PHKB: variants seen among roughly 807,000 people sequenced by gnomAD.
PHKB encodes the protein phosphorylase kinase regulatory subunit beta, also known as phosphorylase b kinase regulatory subunit beta.
A neutral mutation model predicts 152.1 loss-of-function variants in PHKB; 122 were observed. The ratio of observed to expected loss-of-function variants is 0.80; its 90% CI spans 0.69 to 0.93. The LOEUF is 0.93. Ranked by LOEUF, PHKB falls within the 40% of genes least tolerant of loss-of-function variation. The pLI is 0.00. For synonymous variants in PHKB, 436 were observed against 464.9 expected, an observed-to-expected ratio of 0.94 and a Z score of 0.80; for missense variants, 1,304 against 1,328.4, an observed-to-expected ratio of 0.98 and a Z score of 0.29.
intron 26 of PHKB, among the ~76,000 whole-genome samples, chr16:47,686,559 C>A (rs1426505230): frequency 6.6e-6 from 1 of 152,112 alleles, no homozygotes; most frequent in Non-Finnish European, 1.5e-5. Context: ...AGTAGTATTC[C>A]CATTTGAAAA....
At chr16:47,556,999 A>C (rs1222626078) in intron 7 of PHKB, among the ~76,000 whole-genome samples, 13 of 152,186 alleles carry the variant, frequency 8.5e-5, no homozygotes, top group Admixed American at 8.5e-4. Flanking sequence ...TAGTCTTGGG[A>C]GGGTGTATGT....
In PHKB at chr16:47,693,519, C is replaced by T; in HGVS notation, c.2895+12C>T. Reference sequence around the variant, plus strand: ...AGCATTTGCCTCAGGTAAAGCCCCACCATGTTCACATAAAGAAAGGAGACT... The same window carrying T: ...AGCATTTGCCTCAGGTAAAGCCCCATCATGTTCACATAAAGAAAGGAGACT... On this transcript the variant is annotated intron_variant, in intron 28 of 30. Transcript: ENST00000323584. The T allele has an allele frequency of 6.2e-7, 1 of 1,613,786 alleles. No homozygotes were observed. The highest frequency in any genetic ancestry group is 8.5e-7 in the Non-Finnish European group (1 of 1,179,890).
chr16:47,671,832 G>A (rs568309703), intron 26 of PHKB, among the ~76,000 whole-genome samples: 27 of 152,148 alleles, frequency 1.8e-4, no homozygotes, highest in Admixed American at 7.2e-4. Context: ...TTGGTTTTTA[G>A]CCATATAAAA....
At chr16:47,557,412 AC>A (rs1383496310) in intron 7 of PHKB, among the ~76,000 whole-genome samples, 1 of 152,198 alleles carries the variant, frequency 6.6e-6, no homozygotes. Context: ...GAGCTTCTGC[AC>A]AGCAAAAGAA....
intron 12 of PHKB, among the ~76,000 whole-genome samples, chr16:47,595,631 A>T (rs543532179): frequency 6.6e-6 from 1 of 152,316 alleles, no homozygotes; most frequent in African/African-American, 2.4e-5. Flanking sequence ...ATTTAAGATT[A>T]CACAGTATCT....
chr16:47,587,541 T>G, intron 8 of PHKB, 127 bp from the exon 9 acceptor site: 2 of 668,468 alleles, frequency 3.0e-6, no homozygotes, highest in South Asian at 3.4e-5. Flanking sequence ...AATTTAAATC[T>G]TCTGGAACTC....
At chr16:47,600,573 A>G (rs1034423067) in intron 13 of PHKB, among the ~76,000 whole-genome samples, 23 of 152,206 alleles carry the variant, frequency 1.5e-4, no homozygotes, top group African/African-American at 5.5e-4. Flanking sequence ...GCTTAATGGT[A>G]GGGCTACATT....
At chr16:47,692,613 C>CAAATAAAT (rs71287505) in intron 27 of PHKB, among the ~76,000 whole-genome samples, 457 of 150,824 alleles carry the variant, frequency 3.0e-3, no homozygotes, top group Middle Eastern at 0.017. Context: ...AAGACCCTGT[C>CAAATAAAT]AAATAAATAA....
At chr16:47,463,605 C>G (rs1010702720) in intron 1 of PHKB, 2 of 338,876 alleles carry the variant, frequency 5.9e-6, no homozygotes, top group Non-Finnish European at 5.6e-6. Context: ...GAGTTCTGAG[C>G]ATTGTTACAT....
intron 28 of PHKB, among the ~76,000 whole-genome samples, chr16:47,695,239 T>G (rs1974127656): frequency 6.6e-6 from 1 of 152,178 alleles, no homozygotes; most frequent in Admixed American, 6.5e-5. Context: ...CTTCTGTAGT[T>G]GCACAGTAGC....
At chr16:47,696,834 C>G (rs1466719254) in intron 29 of PHKB, among the ~76,000 whole-genome samples, 1 of 152,168 alleles carries the variant, frequency 6.6e-6, no homozygotes, top group Non-Finnish European at 1.5e-5. Flanking sequence ...TTTTTCTATT[C>G]ACTTTCTTTT....
chr16:47,538,730 A>G (rs1970998925), intron 6 of PHKB, among the ~76,000 whole-genome samples: 1 of 152,194 alleles, frequency 6.6e-6, no homozygotes, highest in African/African-American at 2.4e-5. Flanking sequence ...GAGGCCCTAG[A>G]AAACAAGGAA....
chr16:47,665,940 A>T, intron 25 of PHKB: 6 of 1,611,100 alleles, frequency 3.7e-6, no homozygotes, highest in Non-Finnish European at 4.2e-6. Flanking sequence ...CTTTGCCCCC[A>T]GGTCGGTTGT....
intron 8 of PHKB, among the ~76,000 whole-genome samples, chr16:47,586,623 T>C (rs1971939742): frequency 6.6e-6 from 1 of 152,078 alleles, no homozygotes; most frequent in Admixed American, 6.6e-5. Context: ...AGGTGATTGG[T>C]TGGAGATATT....
intron 14 of PHKB, among the ~76,000 whole-genome samples, chr16:47,617,940 G>C (rs149123819): frequency 1.4e-3 from 215 of 152,344 alleles, no homozygotes; most frequent in South Asian, 6.6e-3. Flanking sequence ...TATATTTGGA[G>C]AAAAGCCCTG....
intron 6 of PHKB, 52 bp downstream of exon 6, chr16:47,515,653 A>AT (rs531488127): frequency 0.012 from 7,254 of 599,098 alleles, 10 homozygotes; most frequent in East Asian, 0.024. Context: ...GAAAATATCT[A>AT]TTTTTTTTTT....
Position 47,499,885 on chromosome 16 carries a change from T to A in PHKB, c.296T>A (p.Leu99His). 6.2e-7 allele frequency: 1 copy of A among 1,614,160 alleles called. No homozygotes were observed. The change falls in exon 3 of 31, where the codon CTT (leucine) becomes CAT (histidine). Residue 99 changes from leucine (L) to histidine (H), a missense_variant. Physicochemically the swap from Leu to His is moderately conservative, Grantham distance 99 (BLOSUM62 -3). Coordinates refer to ENST00000323584, the MANE Select transcript of PHKB (RefSeq NM_000293.3). Reference sequence around the variant, plus strand: ...GCTGCTGGGGCCTGGGCTTTGGCTCTTGCATACAGGTGAGCTGGTGTGTGT... The same window carrying A: ...GCTGCTGGGGCCTGGGCTTTGGCTCATGCATACAGGTGAGCTGGTGTGTGT... Reference protein sequence around the residue: ...YCAAGAWALALAYRRIDDDKG... With the variant: ...YCAAGAWALAHAYRRIDDDKG...
At chr16:47,590,851 C>T (rs891865451) in intron 10 of PHKB, 8 of 152,226 alleles carry the variant, frequency 5.3e-5, no homozygotes, top group Non-Finnish European at 1.2e-4. Context: ...AGGAACTCCC[C>T]ATGAAAGCTT....
chr16:47,546,312 T>G (rs1159522214), intron 6 of PHKB, among the ~76,000 whole-genome samples: 2 of 152,190 alleles, frequency 1.3e-5, no homozygotes, highest in South Asian at 2.1e-4. Context: ...TGCTATTCCT[T>G]TCTGTTTGTT....
Sources: allele counts gnomAD v4.1 joint callset (sites outside exome capture counted in the v4.1 genomes callset), GRCh38; gene constraint gnomAD v4.1.1; transcripts MANE v1.5; gene names NCBI Gene and HGNC (gene_info 2026-07-23, HGNC 2026-07-21).